CPB2: variants seen among roughly 807,000 people sequenced by gnomAD.
CPB2 encodes carboxypeptidase B-like protein.
Under a neutral mutation model 57.0 loss-of-function variants are expected in CPB2, and 54 were observed. That is an observed-to-expected ratio of 0.95 (90% CI 0.76 to 1.19). The LOEUF is 1.19. Among genes scored for constraint, CPB2 ranks in the 50% most tolerant of loss-of-function variants. The pLI is 0.00. For synonymous variants in CPB2, 189 were observed against 178.1 expected (o/e 1.06, Z -0.49); for missense variants, 426 against 512.0 (o/e 0.83, Z 1.62).
intron 6 of CPB2, among the ~76,000 whole-genome samples, chr13:46,071,699 T>C (rs1319090848): frequency 6.6e-6 from 1 of 152,122 alleles, no homozygotes; most frequent in African/African-American, 2.4e-5. Flanking sequence ...GGATCATTGG[T>C]AGTATCAGGA....
rs1211070493 is a variant in CPB2 at position 46,058,218 on chromosome 13, A to G, written c.960T>C (p.Tyr320=). 2 of 1,614,104 alleles carry G rather than the reference A, an allele frequency of 1.2e-6. No individual in the cohort carries two copies. Among genetic ancestry groups the G allele is most frequent in the Admixed American group, 1.7e-5 (1 of 60,026 alleles). ...HSYSQHIVFP[Y]SYTRSKSKDH... is the part of the protein sequence containing the mutation. ...CTTTGCTTTTACTTCGTGTATAGGA[A>G]TATGGAAACACTATATGCTGGGAGT... The change falls in exon 9 of 11, where the codon TAT becomes TAC. Residue 320 remains tyrosine (Y), a synonymous_variant. Transcript: ENST00000181383.
Position 46,055,825 on chromosome 13 carries a change from G to A in CPB2, c.1024C>T (p.Arg342Cys), listed in dbSNP as rs753574889. 1.1e-5 allele frequency: 17 copies of A among 1,600,158 alleles called. No individual in the cohort carries two copies. Among genetic ancestry groups the A allele is most frequent in the East Asian group, 4.5e-5 (2 of 44,434 alleles). The change falls in exon 10 of 11, where the codon CGT becomes TGT. Residue 342 changes from arginine to cysteine, a missense_variant. By Grantham distance (180) the Arg-to-Cys change is radical (BLOSUM62 -3). Transcript: ENST00000181383. Reference sequence around the variant, plus strand: ...TTTTTACTAATTTTCTCAATAGCACGAACTGCTTCACTGGCTACTAGAGAC... The same window carrying A: ...TTTTTACTAATTTTCTCAATAGCACAAACTGCTTCACTGGCTACTAGAGAC... ...ELSLVASEAV[R>C]AIEKISKNTR...
At chr13:46,095,655 T>C (rs1260650163) in intron 1 of CPB2, among the ~76,000 whole-genome samples, 2 of 152,178 alleles carry the variant, frequency 1.3e-5, no homozygotes, top group East Asian at 1.9e-4. Context: ...ATATTTACAG[T>C]CTTGCCTCAG....
chr13:46,065,093 T>C (rs2044833644), intron 7 of CPB2, among the ~76,000 whole-genome samples: 1 of 152,238 alleles, frequency 6.6e-6, no homozygotes, highest in Non-Finnish European at 1.5e-5. Flanking sequence ...AGGGTCATTC[T>C]GAGCTCCTTC....
intron 6 of CPB2, among the ~76,000 whole-genome samples, chr13:46,073,143 CT>C (rs1391437226): frequency 2.6e-5 from 4 of 152,154 alleles, no homozygotes; most frequent in Admixed American, 6.5e-5. Context: ...CTCATTTATT[CT>C]GTTACTATGT....
intron 1 of CPB2, among the ~76,000 whole-genome samples, chr13:46,092,117 A>G (rs2045302318): frequency 6.6e-6 from 1 of 152,236 alleles, no homozygotes; most frequent in Non-Finnish European, 1.5e-5. Flanking sequence ...TATATTTTAA[A>G]TTAGAAAAAA....
intron 7 of CPB2, among the ~76,000 whole-genome samples, chr13:46,065,775 A>C (rs1306807043): frequency 6.6e-6 from 1 of 152,078 alleles, no homozygotes; most frequent in African/African-American, 2.4e-5. Flanking sequence ...GTTCCGTGGC[A>C]ACAATAGGCC....
At chr13:46,103,334 G>A (rs536874267) in intron 1 of CPB2, among the ~76,000 whole-genome samples, 2 of 152,294 alleles carry the variant, frequency 1.3e-5, no homozygotes, top group South Asian at 2.1e-4. Context: ...CTCTAATCCC[G>A]AACCTCTCTT....
intron 4 of CPB2, among the ~76,000 whole-genome samples, chr13:46,080,136 C>G (rs559866869): frequency 6.6e-6 from 1 of 152,310 alleles, no homozygotes; most frequent in African/African-American, 2.4e-5. Context: ...TCAAACTAAG[C>G]TGGGGTAATA....
intron 9 of CPB2, 44 bp from the exon 10 acceptor site, chr13:46,055,893 G>T: frequency 8.9e-7 from 1 of 1,119,040 alleles, no homozygotes; most frequent in Non-Finnish European, 1.3e-6. Flanking sequence ...GTGCAGCTTT[G>T]AAACATGACA....
chr13:46,069,202 G>A (rs1216461171), intron 6 of CPB2, among the ~76,000 whole-genome samples: 1 of 152,162 alleles, frequency 6.6e-6, no homozygotes, highest in Non-Finnish European at 1.5e-5. Flanking sequence ...TATCTAATAG[G>A]TAGGACTCCA....
At chr13:46,057,545 C>T (rs760413511) in intron 9 of CPB2, among the ~76,000 whole-genome samples, 1 of 152,190 alleles carries the variant, frequency 6.6e-6, no homozygotes, top group Non-Finnish European at 1.5e-5. Flanking sequence ...TACAATCCTT[C>T]AAGAATCCTT....
At chr13:46,082,317 A>C in intron 4 of CPB2, 124 bp downstream of exon 4, 1 of 552,248 alleles carries the variant, frequency 1.8e-6, no homozygotes, top group Non-Finnish European at 3.2e-6. Flanking sequence ...AATTAACCTA[A>C]GTGTGTTTGT....
In CPB2 at chr13:46,053,807, A is replaced by G; in HGVS notation, c.1088-9T>C. The G allele has an allele frequency of 6.2e-7, 1 of 1,607,872 alleles. No homozygotes were observed. Among genetic ancestry groups the G allele is most frequent in the Middle Eastern group, 1.7e-4 (1 of 6,040 alleles). On this transcript the variant is annotated splice_polypyrimidine_tract_variant and intron_variant, in intron 10 of 10. Coordinates refer to ENST00000181383, the MANE Select transcript of CPB2 (RefSeq NM_001872.5). ...ACCTCCAGGAGCTAGGTCTAAAAGA[A>G]GAAGAAAGAAATTGTTGAAATACAG...
intron 8 of CPB2, 101 bp downstream of exon 8, chr13:46,064,547 G>A: frequency 1.1e-6 from 1 of 908,998 alleles, no homozygotes; most frequent in Non-Finnish European, 1.8e-6. Context: ...CCCTGATTCA[G>A]ACAGGCCAGC....
chr13:46,091,823 T>C (rs957007975), intron 1 of CPB2, among the ~76,000 whole-genome samples: 8 of 152,352 alleles, frequency 5.3e-5, no homozygotes, highest in African/African-American at 1.7e-4. Flanking sequence ...AGAAAGAATT[T>C]CTTAGCAAAT....
intron 1 of CPB2, among the ~76,000 whole-genome samples, chr13:46,104,588 T>C (rs2045471835): frequency 6.6e-6 from 1 of 152,236 alleles, no homozygotes; most frequent in South Asian, 2.1e-4. Flanking sequence ...AGTTAACTTT[T>C]TTTATGTGAA....
chr13:46,084,435 A>T, intron 2 of CPB2, 92 bp from the exon 3 acceptor site: 1 of 1,422,902 alleles, frequency 7.0e-7, no homozygotes, highest in Non-Finnish European at 9.6e-7. Context: ...TTTATCTATA[A>T]GGAGTATGAA....
In CPB2 at chr13:46,104,934, A is replaced by C. The variant is rs541013769; in HGVS notation, c.74+2T>G. The stretch of plus-strand genomic sequence containing the variant: ...CCACAGTCTAAGATTCTATTGGGTT[A>C]CCTCTGAAACGCGAAGACATGCTGC... On this transcript the variant is annotated splice_donor_variant, in intron 1 of 10. Coordinates refer to ENST00000181383, the MANE Select transcript of CPB2 (RefSeq NM_001872.5). LOFTEE classifies it high-confidence loss of function. The C allele has an allele frequency of 6.8e-6, 11 of 1,613,934 alleles. No homozygotes were observed. In the South Asian group the frequency reaches 1.1e-4, roughly 16 times the overall value.
Sources: gnomAD v4.1 joint callset for allele counts (sites outside exome capture counted in the v4.1 genomes callset) on GRCh38, gnomAD v4.1.1 for gene constraint, MANE v1.5 for transcripts, NCBI Gene and HGNC (gene_info 2026-07-23, HGNC 2026-07-21) for gene names.